Variants in MARCHF6 observed in about 807,000 individuals in gnomAD.
MARCHF6 encodes the protein membrane associated ring-CH-type finger 6, also known as E3 ubiquitin-protein ligase MARCHF6.
Under a neutral mutation model 133.7 loss-of-function variants are expected in MARCHF6, and 31 were observed. That is an observed-to-expected ratio of 0.23 (90% CI 0.17 to 0.31). The LOEUF is 0.31. Ranked by LOEUF, MARCHF6 falls within the 10% of genes least tolerant of loss-of-function variation. MARCHF6 has a pLI of 1.00. For synonymous variants in MARCHF6, 395 were observed against 402.5 expected (o/e 0.98, Z 0.22); for missense variants, 723 against 1,121.6 (o/e 0.64, Z 5.08).
intron 1 of MARCHF6, among the ~76,000 whole-genome samples, chr5:10,360,192 C>T (rs994630598): frequency 3.5e-5 from 5 of 143,288 alleles, no homozygotes; most frequent in African/African-American, 1.3e-4. Context: ...TCTTTTTGCC[C>T]AGGCTAGAGT....
intron 1 of MARCHF6, chr5:10,354,596 C>G (rs1172331033): frequency 6.6e-6 from 1 of 152,094 alleles, no homozygotes; most frequent in African/African-American, 2.4e-5. Context: ...ACAAACTGAC[C>G]CTTGTAAAAT....
At chr5:10,361,070 C>G (rs1561093823) in intron 1 of MARCHF6, among the ~76,000 whole-genome samples, 1 of 152,058 alleles carries the variant, frequency 6.6e-6, no homozygotes. Context: ...ATAATTCAGA[C>G]TATATTTTAG....
At chr5:10,412,682 C>A (rs893750625) in intron 19 of MARCHF6, among the ~76,000 whole-genome samples, 1 of 152,134 alleles carries the variant, frequency 6.6e-6, no homozygotes, top group Non-Finnish European at 1.5e-5. Flanking sequence ...AAGCGATCCT[C>A]CTACCTACTC....
In MARCHF6 at chr5:10,411,571, G is replaced by GT. The variant is rs767980321; in HGVS notation, c.1896+41dup. The GT allele has an allele frequency of 1.5e-5, 23 of 1,527,310 alleles. 1 individual carries two copies. In the South Asian group the frequency reaches 2.0e-4, roughly 13 times the overall value. 94.6% of individuals were successfully genotyped at this position (1,527,310 alleles called of 1,614,324 possible). A position where few individuals can be genotyped will look rare whatever the true frequency, so the allele number is the denominator to read the frequency against. On this transcript the variant is annotated intron_variant, in intron 19 of 25. Coordinates refer to ENST00000274140, the MANE Select transcript of MARCHF6 (RefSeq NM_005885.4). ...TATACAGACTTAATCACATATAGAGGTTTTTTTGGTTTTTTTGTTCTCCAA... is the reference window on the plus strand; with the variant it reads ...TATACAGACTTAATCACATATAGAGGTTTTTTTTGGTTTTTTTGTTCTCCAA...
rs768870186 is a variant in MARCHF6 at position 10,378,756 on chromosome 5, C to T, written c.117-3C>T. The T allele has an allele frequency of 1.9e-6, 3 of 1,578,598 alleles. No homozygotes were observed. The highest frequency in any genetic ancestry group is 1.3e-5 in the African/African-American group (1 of 74,270). On this transcript the variant is annotated splice_polypyrimidine_tract_variant and splice_region_variant and intron_variant, in intron 2 of 25. Coordinates refer to ENST00000274140, the MANE Select transcript of MARCHF6 (RefSeq NM_005885.4). ...GTACTTATGAATCTATTTATAATTA[C>T]AGCTTAGTTCAATGGCTGAAACACA...
At position 10,353,788 on chromosome 5, in the gene MARCHF6, C is replaced by G; in HGVS notation, c.-111C>G. On this transcript the variant is annotated 5_prime_UTR_variant, in exon 1 of 26. Coordinates refer to ENST00000274140, the MANE Select transcript of MARCHF6 (RefSeq NM_005885.4). ...CCTTCCTCTCGCTTCCTCTCTCGCA[C>G]CTGAGCGTACGCACCTGCCCGGGCC... 1 of 943,682 alleles carries G rather than the reference C, an allele frequency of 1.1e-6. No individual in the cohort carries two copies. Among genetic ancestry groups the G allele is most frequent in the South Asian group, 1.4e-5 (1 of 69,194 alleles). 58.5% of individuals were successfully genotyped at this position (943,682 alleles called of 1,614,324 possible). A position where few individuals can be genotyped will look rare whatever the true frequency, so the allele number is the denominator to read the frequency against.
intron 15 of MARCHF6, among the ~76,000 whole-genome samples, chr5:10,404,301 C>G (rs983215014): frequency 6.6e-6 from 1 of 152,070 alleles, no homozygotes; most frequent in Non-Finnish European, 1.5e-5. Flanking sequence ...CTCCTGACCT[C>G]AAATGATCCA....
chr5:10,427,850 T>C (rs1740170944), intron 24 of MARCHF6, among the ~76,000 whole-genome samples: 1 of 152,154 alleles, frequency 6.6e-6, no homozygotes, highest in African/African-American at 2.4e-5. Flanking sequence ...GGGAGGTTGC[T>C]TGAAGCCAGG....
intron 5 of MARCHF6, among the ~76,000 whole-genome samples, chr5:10,389,099 T>A (rs1392376279): frequency 6.6e-6 from 1 of 151,996 alleles, no homozygotes; most frequent in Non-Finnish European, 1.5e-5. Flanking sequence ...TTGACCCTTC[T>A]CAGGTTTTCT....
Position 10,392,906 on chromosome 5 carries a change from C to T in MARCHF6, c.766+1175C>T, listed in dbSNP as rs144289201. 2.3e-3 allele frequency among the ~76,000 whole-genome samples: 344 copies of T among 152,248 alleles called. 1 individual carries two copies. Among genetic ancestry groups the T allele is most frequent in the African/African-American group, 7.8e-3 (323 of 41,552 alleles). On this transcript the variant is annotated intron_variant, in intron 7 of 25. Coordinates refer to ENST00000274140, the MANE Select transcript of MARCHF6 (RefSeq NM_005885.4). Reference sequence around the variant, plus strand: ...GATATTTTTGTGTCTCTTTGTGTCACGTACTCTGTTAGACACTGAGCATAT... The same window carrying T: ...GATATTTTTGTGTCTCTTTGTGTCATGTACTCTGTTAGACACTGAGCATAT...
chr5:10,405,816 A>C, intron 16 of MARCHF6, 139 bp downstream of exon 16: 1 of 634,948 alleles, frequency 1.6e-6, no homozygotes, highest in Non-Finnish European at 2.4e-6. Flanking sequence ...TGTGGTATTC[A>C]GTTGTCAAGT....
At chr5:10,405,736 T>C in intron 16 of MARCHF6, 59 bp downstream of exon 16, 11 of 1,497,704 alleles carry the variant, frequency 7.3e-6, no homozygotes, top group African/African-American at 1.4e-5. Flanking sequence ...CCTATAGTTT[T>C]GTTTAGGTTT....
intron 5 of MARCHF6, among the ~76,000 whole-genome samples, chr5:10,389,817 C>G (rs939307223): frequency 6.6e-6 from 1 of 152,190 alleles, no homozygotes. Context: ...GGAGGAGCTT[C>G]TCCTCTTTTC....
At chr5:10,417,463 C>A (rs2934222) in intron 22 of MARCHF6, 59 bp downstream of exon 22, 3 of 1,604,456 alleles carry the variant, frequency 1.9e-6, no homozygotes, top group Non-Finnish European at 2.6e-6. Flanking sequence ...AGAAAATAAT[C>A]CTAGCCAGGC....
At chr5:10,364,840 G>T (rs1365296425) in intron 1 of MARCHF6, among the ~76,000 whole-genome samples, 2 of 152,204 alleles carry the variant, frequency 1.3e-5, no homozygotes, top group South Asian at 2.1e-4. Context: ...TTTCGCTCTT[G>T]TCGCCCAGGC....
At chr5:10,390,210 T>A in intron 5 of MARCHF6, 122 bp from the exon 6 acceptor site, 1 of 746,790 alleles carries the variant, frequency 1.3e-6, no homozygotes, top group Non-Finnish European at 2.2e-6. Context: ...CAAAAAATTA[T>A]GATTTATTCT....
intron 10 of MARCHF6, 136 bp from the exon 11 acceptor site, chr5:10,400,648 G>C: frequency 1.5e-6 from 1 of 677,416 alleles, no homozygotes; most frequent in Non-Finnish European, 2.7e-6. Context: ...GAATGTCCTA[G>C]GCAGTGTATT....
rs1268158653 is a variant in MARCHF6, at chr5:10,353,704, C to G, written c.-195C>G. 4.4e-6 allele frequency: 2 copies of G among 454,732 alleles called. No homozygotes were observed. Among genetic ancestry groups the G allele is most frequent in the South Asian group, 2.6e-5 (1 of 38,214 alleles). The allele number at this position is 454,732 out of a possible 1,614,324, so 28.2% of individuals were successfully genotyped here. A position where few individuals can be genotyped will look rare whatever the true frequency, so the allele number is the denominator to read the frequency against. Reference sequence around the variant, plus strand: ...GGCCTCGCCCCTAGGTGTTCCCGCCCCTCCCCCTCCCGTGTCGCTCGCTTT... The same window carrying G: ...GGCCTCGCCCCTAGGTGTTCCCGCCGCTCCCCCTCCCGTGTCGCTCGCTTT... On this transcript the variant is annotated 5_prime_UTR_variant, in exon 1 of 26. Coordinates refer to ENST00000274140, the MANE Select transcript of MARCHF6 (RefSeq NM_005885.4).
chr5:10,386,487 CT>C (rs1737489947), intron 4 of MARCHF6, among the ~76,000 whole-genome samples: 1 of 152,172 alleles, frequency 6.6e-6, no homozygotes. Context: ...TAATTATATT[CT>C]GTATTTTAGA....
Sources: allele counts gnomAD v4.1 joint callset (sites outside exome capture counted in the v4.1 genomes callset), GRCh38; gene constraint gnomAD v4.1.1; transcripts MANE v1.5; gene names NCBI Gene and HGNC (gene_info 2026-07-23, HGNC 2026-07-21).